The following SYNE1 variants were observed in gnomAD, a reference collection of about 807,000 sequenced individuals.
SYNE1 encodes the protein spectrin repeat containing nuclear envelope protein 1.
Under a neutral mutation model 1,111.0 loss-of-function variants are expected in SYNE1, and 616 were observed. The observed-to-expected ratio is 0.55, with a 90% CI of 0.52 to 0.59. The LOEUF (loss-of-function observed/expected upper bound fraction) is 0.59. Ranked by LOEUF, SYNE1 falls within the 20% of genes least tolerant of loss-of-function variation. The pLI, the probability that SYNE1 is intolerant of heterozygous loss-of-function variation, is 0.00. For missense variants in SYNE1, 10,006 were observed against 10,417.0 expected (o/e 0.96, Z 1.72); for synonymous variants, 3,855 against 3,825.8 (o/e 1.01, Z -0.28).
intron 128 of SYNE1, among the ~76,000 whole-genome samples, chr6:152,182,492 C>G (rs909599816): frequency 6.6e-6 from 1 of 152,176 alleles, no homozygotes; most frequent in Admixed American, 6.5e-5. Flanking sequence ...ATTACATACT[C>G]CCTGGGCTCA....
chr6:152,471,563 A>C, intron 16 of SYNE1, 34 bp downstream of exon 16: 2 of 1,606,522 alleles, frequency 1.2e-6, no homozygotes, highest in Non-Finnish European at 1.7e-6. Context: ...TCCATGGCTC[A>C]TAGGAATTCT....
intron 3 of SYNE1, among the ~76,000 whole-genome samples, chr6:152,542,402 G>T (rs757498615): frequency 6.6e-6 from 1 of 151,944 alleles, no homozygotes; most frequent in South Asian, 2.1e-4. Flanking sequence ...AAACAAATTG[G>T]TATAAAAATA....
intron 97 of SYNE1, among the ~76,000 whole-genome samples, chr6:152,280,089 C>T (rs1366041837): frequency 2.0e-5 from 3 of 152,150 alleles, no homozygotes; most frequent in African/African-American, 7.2e-5. Flanking sequence ...AAACAGCCTA[C>T]AAAAATGAAG....
chr6:152,163,110 T>C (rs1423278567), intron 131 of SYNE1, among the ~76,000 whole-genome samples: 1 of 152,212 alleles, frequency 6.6e-6, no homozygotes, highest in Non-Finnish European at 1.5e-5. Flanking sequence ...GGATAGAATA[T>C]TCAAAGCAAC....
At chr6:152,608,288 T>C (rs955308816) in intron 3 of SYNE1, among the ~76,000 whole-genome samples, 1 of 152,250 alleles carries the variant, frequency 6.6e-6, no homozygotes, top group African/African-American at 2.4e-5. Flanking sequence ...ATCCATTCAG[T>C]AAATATTTAG....
chr6:152,344,041 T>A lies in SYNE1; in HGVS notation c.12225+40A>T, dbSNP rs183367183. The A allele has an allele frequency of 1.5e-4, 236 of 1,613,692 alleles. No homozygotes were observed. The African/African-American group carries it at 2.9e-3, about 20-fold the overall frequency. On this transcript the variant is annotated intron_variant, in intron 74 of 145. Coordinates refer to ENST00000367255, the MANE Select transcript of SYNE1 (RefSeq NM_182961.4). ...CACACATTTTCACTGACGCTCTGAA[T>A]GATTCACAAGAATAACACAAACTTT...
intron 33 of SYNE1, 58 bp downstream of exon 33, chr6:152,435,883 A>G: frequency 6.3e-7 from 1 of 1,595,892 alleles, no homozygotes; most frequent in Non-Finnish European, 8.6e-7. Flanking sequence ...AAGGTACAGG[A>G]AAGATTGTAT....
chr6:152,603,284 G>A (rs1163366937), intron 3 of SYNE1, among the ~76,000 whole-genome samples: 1 of 152,110 alleles, frequency 6.6e-6, no homozygotes, highest in Non-Finnish European at 1.5e-5. Flanking sequence ...AGAGTTGAGG[G>A]AGACTTTTTT....
At position 152,350,474 on chromosome 6, in the gene SYNE1, G is replaced by A; in HGVS notation, c.11734-139C>T. Reference sequence around the variant, plus strand: ...ACTACCAGGAATGGAAAACAACATAGTCATTATGCCAATTAAATATCCATC... The same window carrying A: ...ACTACCAGGAATGGAAAACAACATAATCATTATGCCAATTAAATATCCATC... On this transcript the variant is annotated intron_variant, in intron 71 of 145. Coordinates refer to ENST00000367255, the MANE Select transcript of SYNE1 (RefSeq NM_182961.4). 2.1e-6 allele frequency: 3 copies of A among 1,462,514 alleles called. No homozygotes were observed. In the South Asian group the frequency reaches 3.5e-5, roughly 17 times the overall value. 90.6% of individuals were successfully genotyped at this position (1,462,514 alleles called of 1,614,324 possible).
In SYNE1 at chr6:152,224,495, T is replaced by C. The variant is rs1268115213; in HGVS notation, c.21521A>G (p.Gln7174Arg). 1 of 1,613,776 alleles carries C rather than the reference T, an allele frequency of 6.2e-7. No individual in the cohort carries two copies. Among genetic ancestry groups the C allele is most frequent in the Non-Finnish European group, 8.5e-7 (1 of 1,179,828 alleles). The change falls in exon 117 of 146, where the codon CAG becomes CGG. Residue 7174 changes from glutamine to arginine, a missense_variant and splice_region_variant. Physicochemically the swap from Gln to Arg is conservative, Grantham distance 43. Coordinates refer to ENST00000367255, the MANE Select transcript of SYNE1 (RefSeq NM_182961.4). ...EAVQVQVDNLQNLQDDLEKQE... is the reference protein window; with the variant it reads ...EAVQVQVDNLRNLQDDLEKQE... ...GGATGTGTTAAATTAATTCCTTACC[T>C]GAAGATTGTCCACCTGAACTTGCAC...
chr6:152,561,111 T>C (rs1218256515), intron 3 of SYNE1, among the ~76,000 whole-genome samples: 1 of 151,924 alleles, frequency 6.6e-6, no homozygotes, highest in African/African-American at 2.4e-5. Context: ...GGCATCAAAA[T>C]CAGAAAGGAA....
At position 152,347,125 on chromosome 6, in the gene SYNE1, T is replaced by G. The variant is rs373715708; in HGVS notation, c.12012A>C (p.Gln4004His). The G allele has an allele frequency of 6.2e-7, 1 of 1,614,202 alleles. No individual in the cohort carries two copies. ...CADHLQAKLK[Q>H]NVHAHLQGTK... Reference sequence around the variant, plus strand: ...TGCCCTGCAGATGAGCATGCACGTTTTGTTTAAGTTTCGCTTGCAGGTGGT... The same window carrying G: ...TGCCCTGCAGATGAGCATGCACGTTGTGTTTAAGTTTCGCTTGCAGGTGGT... Residue 4004 changes from glutamine (Q) to histidine (H), a missense_variant, in exon 73 of 146, where the codon CAA (glutamine) becomes CAC (histidine). Gln to His is a conservative substitution (Grantham distance 24). This residue lies in a region of SYNE1 where 4,955 missense variants were observed against 5,017.2 expected (regional missense o/e 0.99). Coordinates refer to ENST00000367255, the MANE Select transcript of SYNE1 (RefSeq NM_182961.4).
chr6:152,353,677 A>T lies in SYNE1; in HGVS notation c.10994T>A (p.Ile3665Lys). ...VEEVGARAQE[I>K]LDESHVNSRM... Reference sequence around the variant, plus strand: ...GCTGTTCACGTGGCTCTCGTCCAGTATCTCCTGAGCTCTAGCTCCCACTTC... The same window carrying T: ...GCTGTTCACGTGGCTCTCGTCCAGTTTCTCCTGAGCTCTAGCTCCCACTTC... Residue 3665 changes from isoleucine to lysine, a missense_variant, in exon 68 of 146, where the codon ATA becomes AAA. Coordinates refer to ENST00000367255, the MANE Select transcript of SYNE1 (RefSeq NM_182961.4). 1 of 1,614,214 alleles carries T rather than the reference A, an allele frequency of 6.2e-7. No homozygotes were observed. The highest frequency in any genetic ancestry group is 8.5e-7 in the Non-Finnish European group (1 of 1,180,028).
chr6:152,605,037 GGAGGGA>G (rs1488654911), intron 3 of SYNE1, among the ~76,000 whole-genome samples: 4 of 32,340 alleles, frequency 1.2e-4, no homozygotes, highest in East Asian at 1.9e-3. Flanking sequence ...AGAGAGAGAG[GGAGGGA>G]GGGAGGGAGG....
chr6:152,133,907 G>T, intron 142 of SYNE1: 2 of 189,194 alleles, frequency 1.1e-5, no homozygotes, highest in Non-Finnish European at 2.2e-5. Flanking sequence ...AAAAAAAAAG[G>T]GGTGATTCGT....
intron 81 of SYNE1, 35 bp from the exon 82 acceptor site, chr6:152,323,772 A>C: frequency 6.2e-7 from 1 of 1,612,474 alleles, no homozygotes; most frequent in Non-Finnish European, 8.5e-7. Flanking sequence ...AAGTTCAATA[A>C]TAAATAAACT....
At chr6:152,633,233 C>T (rs1391925812) in intron 2 of SYNE1, among the ~76,000 whole-genome samples, 2 of 152,170 alleles carry the variant, frequency 1.3e-5, no homozygotes, top group Non-Finnish European at 2.9e-5. Context: ...CATTCATGGG[C>T]TGTATACCAA....
intron 11 of SYNE1, among the ~76,000 whole-genome samples, chr6:152,496,692 T>C (rs1050959522): frequency 4.6e-5 from 7 of 152,038 alleles, no homozygotes; most frequent in African/African-American, 1.7e-4. Context: ...AAATTTTCAA[T>C]GCCCCAACAC....
At chr6:152,279,616 C>T (rs2093898766) in intron 97 of SYNE1, among the ~76,000 whole-genome samples, 1 of 150,740 alleles carries the variant, frequency 6.6e-6, no homozygotes, top group Non-Finnish European at 1.5e-5. Flanking sequence ...ACTTGCGGGG[C>T]TGAGGTGGGA....
Sources: gnomAD v4.1 joint callset for allele counts (sites outside exome capture counted in the v4.1 genomes callset) on GRCh38, gnomAD v4.1.1 for gene constraint, gnomAD v4.1.1 regional missense constraint, MANE v1.5 for transcripts, NCBI Gene and HGNC (gene_info 2026-07-23, HGNC 2026-07-21) for gene names.